CPAMD8: variants seen among roughly 807,000 people sequenced by gnomAD.
CPAMD8 encodes the protein C3 and PZP like alpha-2-macroglobulin domain containing 8.
CPAMD8 carries 146 observed loss-of-function variants against 224.7 expected under a neutral mutation model. The ratio of observed to expected loss-of-function variants is 0.65; its 90% CI spans 0.57 to 0.75. The LOEUF (loss-of-function observed/expected upper bound fraction) is 0.75. Ranked by LOEUF, CPAMD8 falls within the 30% of genes least tolerant of loss-of-function variation. The pLI is 0.00. For missense variants in CPAMD8, 2,301 were observed against 2,537.5 expected (o/e 0.91, Z 2.00); for synonymous variants, 966 against 1,044.6 (o/e 0.92, Z 1.45).
chr19:17,004,304 C>G lies in CPAMD8; in HGVS notation c.642G>C (p.Ala214=), dbSNP rs559551290. The G allele has an allele frequency of 1.2e-6, 2 of 1,610,876 alleles. No individual in the cohort carries two copies. Among genetic ancestry groups the G allele is most frequent in the South Asian group, 1.1e-5 (1 of 90,986 alleles). The change falls in exon 8 of 42, where the codon GCG becomes GCC. Residue 214 remains alanine, a synonymous_variant. Coordinates refer to ENST00000443236, the MANE Select transcript of CPAMD8 (RefSeq NM_015692.5). ...TCTGAACTTCAAAAGACTTGTTGTA[C>G]GCGTGGCCTTGCATTTCAACAAAAA... is the stretch of plus-strand genomic sequence containing the variant. ...WFIFVEMQGH[A]YNKSFEVQKY... is the part of the protein sequence containing the mutation.
rs771690844 is a variant in CPAMD8 at position 16,914,647 on chromosome 19, G to A, written c.3786+10C>T. On this transcript the variant is annotated intron_variant, in intron 28 of 41. Transcript: ENST00000443236. ...AGGGGCCCGGGAAGGAGGCTCAAGG[G>A]GCCACTCACCTGGATGTCCTTGTTC... is the stretch of plus-strand genomic sequence containing the variant. The A allele has an allele frequency of 1.2e-6, 2 of 1,613,920 alleles. No individual in the cohort carries two copies. Among genetic ancestry groups the A allele is most frequent in the Admixed American group, 1.7e-5 (1 of 60,018 alleles).
At chr19:16,927,335 T>C (rs1487353101) in intron 25 of CPAMD8, among the ~76,000 whole-genome samples, 1 of 151,926 alleles carries the variant, frequency 6.6e-6, no homozygotes, top group African/African-American at 2.4e-5. Flanking sequence ...TCTCTCATTC[T>C]CCCTGGGACC....
chr19:16,958,285 T>A (rs757833853), intron 18 of CPAMD8, among the ~76,000 whole-genome samples: 53 of 152,148 alleles, frequency 3.5e-4, no homozygotes, highest in Non-Finnish European at 6.8e-4. Context: ...CCATCCCCCA[T>A]CCTCAAGTAG....
intron 13 of CPAMD8, among the ~76,000 whole-genome samples, chr19:16,987,941 G>A (rs1314089708): frequency 1.3e-5 from 2 of 152,104 alleles, no homozygotes; most frequent in Non-Finnish European, 2.9e-5. Context: ...CAAGGTTACA[G>A]GTGTGAGCCA....
chr19:16,897,775 C>A lies in CPAMD8; in HGVS notation c.4981G>T (p.Val1661Phe), dbSNP rs918593719. The change falls in exon 39 of 42, where the codon GTC becomes TTC. Residue 1661 changes from valine (V) to phenylalanine (F), a missense_variant. Around this residue, in one of 4 missense-constraint regions of CPAMD8, gnomAD observed 1,709 missense variants for 1,753.2 expected, o/e 0.97. Transcript: ENST00000443236. ...CGGGCGAGTGGGCTGTGGGTGCTGA[C>A]GTTGTAGAAGCGAGTGGCCTCGAAG... is the stretch of plus-strand genomic sequence containing the variant. ...PAFEATRFYN[V>F]STHSPLAREL... is the part of the protein sequence containing the mutation. 10 of 1,586,572 alleles carry A rather than the reference C, an allele frequency of 6.3e-6. No homozygotes were observed. Among genetic ancestry groups the A allele is most frequent in the South Asian group, 1.1e-5 (1 of 87,226 alleles).
chr19:17,021,377 C>T (rs1390009050), intron 2 of CPAMD8, among the ~76,000 whole-genome samples: 1 of 152,136 alleles, frequency 6.6e-6, no homozygotes, highest in Non-Finnish European at 1.5e-5. Context: ...TCCACATTTC[C>T]ACCTTCTCTG....
chr19:17,020,109 G>A (rs987111922), intron 3 of CPAMD8, among the ~76,000 whole-genome samples: 7 of 151,362 alleles, frequency 4.6e-5, no homozygotes, highest in African/African-American at 1.7e-4. Flanking sequence ...CGAGTAGCTG[G>A]GATTACAGGC....
rs1399838054 is a variant in CPAMD8 at position 16,977,533 on chromosome 19, T to C, written c.1593A>G (p.Pro531=). 3 of 1,594,594 alleles carry C rather than the reference T, an allele frequency of 1.9e-6. No homozygotes were observed. Among genetic ancestry groups the C allele is most frequent in the Non-Finnish European group, 2.6e-6 (3 of 1,173,948 alleles). ...CGTCGACCTCAGCTTCTGGGGCTGG[T>C]GGGGGCTCTGAGGTGAGCAAAAGTA... The part of the protein sequence containing the change: ...RLTHLSETEP[P]PAPEAEVDVC... Residue 531 remains proline, a synonymous_variant, in exon 15 of 42, where the codon CCA becomes CCG. Coordinates refer to ENST00000443236, the MANE Select transcript of CPAMD8 (RefSeq NM_015692.5).
At chr19:17,021,951 G>A in intron 2 of CPAMD8, 79 bp downstream of exon 2, 1 of 1,366,730 alleles carries the variant, frequency 7.3e-7, no homozygotes, top group Non-Finnish European at 9.8e-7. Flanking sequence ...CACCCACACT[G>A]CCCCAGCCCT....
At chr19:17,024,208 G>T (rs1284915137) in intron 1 of CPAMD8, among the ~76,000 whole-genome samples, 1 of 152,150 alleles carries the variant, frequency 6.6e-6, no homozygotes, top group African/African-American at 2.4e-5. Flanking sequence ...AATGGGTTTG[G>T]GTTGTTTACT....
chr19:16,893,129 T>C lies in CPAMD8; in HGVS notation c.5637A>G (p.Ser1879=). 6.7e-7 allele frequency: 1 copy of C among 1,491,582 alleles called. No homozygotes were observed. The highest frequency in any genetic ancestry group is 1.1e-5 in the South Asian group (1 of 88,110). The allele number at this position is 1,491,582 out of a possible 1,614,324, so 92.4% of individuals were successfully genotyped here. A position where few individuals can be genotyped will look rare whatever the true frequency, so the allele number is the denominator to read the frequency against. ...QSGGEEGLWM[S]NTCTLR The stretch of plus-strand genomic sequence containing the variant: ...AGGATTATCTCAAGGTGCAGGTGTT[T>C]GACATCCATAAACCCTCCTCCCCAC... The change falls in exon 42 of 42, where the codon TCA becomes TCG. Residue 1879 remains serine, a synonymous_variant. Transcript: ENST00000443236.
chr19:16,986,984 T>C (rs2055743062), intron 13 of CPAMD8, among the ~76,000 whole-genome samples: 1 of 151,136 alleles, frequency 6.6e-6, no homozygotes, highest in Non-Finnish European at 1.5e-5. Flanking sequence ...GGTGAAACCC[T>C]GTCTCTACTA....
intron 18 of CPAMD8, among the ~76,000 whole-genome samples, chr19:16,959,331 C>T (rs8112118): frequency 0.03 from 4,600 of 151,588 alleles, 234 homozygotes; most frequent in African/African-American, 0.11. Context: ...TGTGCCACCA[C>T]GCCCGGCTAA....
Position 16,980,424 on chromosome 19 carries a change from T to C in CPAMD8, c.1585+73A>G, listed in dbSNP as rs1599838748. ...TGCTGGGTCTTGCCTTGTCCCTCCT[T>C]GCAGGAGCACCCATCTCAGTCTCAA... is the stretch of plus-strand genomic sequence containing the variant. On this transcript the variant is annotated intron_variant, in intron 14 of 41. Transcript: ENST00000443236. The C allele has an allele frequency of 4.1e-6, 6 of 1,467,342 alleles. No homozygotes were observed. The East Asian group carries it at 9.2e-5, about 23-fold the overall frequency. 90.9% of individuals were successfully genotyped at this position (1,467,342 alleles called of 1,614,324 possible).
chr19:16,931,725 T>C (rs2053551114), intron 23 of CPAMD8, among the ~76,000 whole-genome samples: 1 of 152,212 alleles, frequency 6.6e-6, no homozygotes, highest in Non-Finnish European at 1.5e-5. Context: ...CACTGGGACC[T>C]GAGGACAGGT....
At chr19:16,896,838 G>T (rs944111207) in intron 39 of CPAMD8, 173 bp from the exon 40 acceptor site, 45 of 427,742 alleles carry the variant, frequency 1.1e-4, no homozygotes, top group Middle Eastern at 1.2e-3. Flanking sequence ...GGAATTTCAC[G>T]CAGGTATTTG....
intron 1 of CPAMD8, among the ~76,000 whole-genome samples, chr19:17,023,553 A>G (rs897834922): frequency 2.6e-5 from 4 of 151,968 alleles, no homozygotes; most frequent in South Asian, 2.1e-4. Flanking sequence ...TTTCATTTCA[A>G]TATTTTCTTT....
At position 16,896,187 on chromosome 19, in the gene CPAMD8, C is replaced by G; in HGVS notation, c.5415G>C (p.Glu1805Asp). ...VEDSDPEPEG[E>D]AEDRVTAGPR... The stretch of plus-strand genomic sequence containing the variant: ...GGCCCAGCTGTTACCTGTCCTCCGC[C>G]TCCCCTTCAGGCTCAGGGTCTGAGT... The change falls in exon 41 of 42, where the codon GAG becomes GAC. Residue 1805 changes from glutamate (E) to aspartate (D), a missense_variant. This residue lies in a region of CPAMD8 where 1,709 missense variants were observed against 1,753.2 expected (regional missense o/e 0.97). Coordinates refer to ENST00000443236, the MANE Select transcript of CPAMD8 (RefSeq NM_015692.5). The G allele has an allele frequency of 6.2e-7, 1 of 1,613,814 alleles. No individual in the cohort carries two copies.
intron 1 of CPAMD8, among the ~76,000 whole-genome samples, chr19:17,024,749 C>T (rs770995586): frequency 6.6e-6 from 1 of 152,196 alleles, no homozygotes; most frequent in Non-Finnish European, 1.5e-5. Context: ...GCATCTGGGC[C>T]AACACTGCTT....
Sources: gnomAD v4.1 joint callset for allele counts (sites outside exome capture counted in the v4.1 genomes callset) on GRCh38, gnomAD v4.1.1 for gene constraint, gnomAD v4.1.1 regional missense constraint, MANE v1.5 for transcripts, NCBI Gene and HGNC (gene_info 2026-07-23, HGNC 2026-07-21) for gene names.